The following NPAS2 variants were observed in gnomAD, a reference collection of about 807,000 sequenced individuals.
NPAS2 encodes the protein neuronal PAS domain-containing protein 2.
NPAS2 carries 23 observed loss-of-function variants against 107.5 expected under a neutral mutation model. The ratio of observed to expected loss-of-function variants is 0.21; its 90% CI spans 0.15 to 0.30. The LOEUF (loss-of-function observed/expected upper bound fraction) is 0.30. NPAS2 is among the 10% of genes least tolerant of loss of function. The pLI is 1.00. For missense variants in NPAS2, 756 were observed against 1,043.3 expected, an observed-to-expected ratio of 0.72 and a Z score of 3.79; for synonymous variants, 403 against 417.5, an observed-to-expected ratio of 0.97 and a Z score of 0.42.
At chr2:100,932,185 A>G (rs550838330) in intron 3 of NPAS2, among the ~76,000 whole-genome samples, 1 of 152,392 alleles carries the variant, frequency 6.6e-6, no homozygotes, top group Non-Finnish European at 1.5e-5. Context: ...TTATCTTATC[A>G]GAAATAATTC....
At chr2:100,932,859 C>G in intron 3 of NPAS2, 51 bp from the exon 4 acceptor site, 1 of 1,279,268 alleles carries the variant, frequency 7.8e-7, no homozygotes, top group Non-Finnish European at 1.1e-6. Flanking sequence ...TTGTTAATTC[C>G]AATTTCTAGG....
At chr2:100,904,033 G>T (rs572292240) in intron 1 of NPAS2, among the ~76,000 whole-genome samples, 5 of 152,274 alleles carry the variant, frequency 3.3e-5, no homozygotes, top group Non-Finnish European at 7.4e-5. Context: ...TCACATCTGT[G>T]CACCTTCGCT....
intron 1 of NPAS2, among the ~76,000 whole-genome samples, chr2:100,854,737 G>A (rs1678449399): frequency 6.6e-6 from 1 of 152,162 alleles, no homozygotes. Context: ...GAATCCACAG[G>A]AAATAAATGC....
intron 1 of NPAS2, among the ~76,000 whole-genome samples, chr2:100,845,316 G>A (rs1677707339): frequency 6.6e-6 from 1 of 152,190 alleles, no homozygotes; most frequent in Non-Finnish European, 1.5e-5. Context: ...GTCTGACGTG[G>A]AGCAGGCTGG....
intron 1 of NPAS2, among the ~76,000 whole-genome samples, chr2:100,897,573 A>G (rs1681492367): frequency 6.6e-6 from 1 of 151,754 alleles, no homozygotes; most frequent in Admixed American, 6.6e-5. Flanking sequence ...TGTCTGGGGG[A>G]GGCACCCTCA....
At chr2:100,979,810 G>A (rs1359649301) in intron 15 of NPAS2, among the ~76,000 whole-genome samples, 3 of 152,146 alleles carry the variant, frequency 2.0e-5, no homozygotes, top group East Asian at 1.9e-4. Flanking sequence ...GATTACAGGC[G>A]TGAGCCACCA....
chr2:100,900,669 A>G lies in NPAS2; in HGVS notation c.-22-4064A>G, dbSNP rs538235252. 4.3e-4 allele frequency among the ~76,000 whole-genome samples: 65 copies of G among 152,242 alleles called. 1 individual carries two copies. Among genetic ancestry groups the G allele is most frequent in the African/African-American group, 1.5e-3 (61 of 41,540 alleles). ...CAGTAGGTGAAAGTGGTGTCTGCCA[A>G]CCTTCTTCCCTGTAAAATGTTTTTC... On this transcript the variant is annotated intron_variant, in intron 1 of 20. Transcript: ENST00000335681.
chr2:100,947,183 C>G (rs1010813207), intron 5 of NPAS2, among the ~76,000 whole-genome samples: 3 of 152,180 alleles, frequency 2.0e-5, no homozygotes, highest in Non-Finnish European at 2.9e-5. Flanking sequence ...CCTGTCTCCT[C>G]GGTCCACTGT....
chr2:100,823,156 G>A (rs1055797350), intron 1 of NPAS2, among the ~76,000 whole-genome samples: 1 of 152,100 alleles, frequency 6.6e-6, no homozygotes, highest in Non-Finnish European at 1.5e-5. Flanking sequence ...AATGCTAATG[G>A]GGTACTTAAC....
intron 1 of NPAS2, among the ~76,000 whole-genome samples, chr2:100,883,493 C>T (rs1000900736): frequency 1.3e-5 from 2 of 152,178 alleles, no homozygotes; most frequent in Admixed American, 6.5e-5. Flanking sequence ...GGTAACCACA[C>T]GCCATGGGAT....
At chr2:100,926,686 A>G (rs1487297687) in intron 3 of NPAS2, among the ~76,000 whole-genome samples, 1 of 152,222 alleles carries the variant, frequency 6.6e-6, no homozygotes, top group East Asian at 1.9e-4. Context: ...TATTCTAGAT[A>G]CTAGACCCTT....
At chr2:100,982,599 CCT>C (rs1677518289) in intron 16 of NPAS2, 3 of 584,710 alleles carry the variant, frequency 5.1e-6, no homozygotes, top group Non-Finnish European at 9.1e-6. Context: ...TTCCCTCGCC[CCT>C]CACTCTGACA....
At chr2:100,834,986 A>T (rs1393849042) in intron 1 of NPAS2, among the ~76,000 whole-genome samples, 1 of 152,194 alleles carries the variant, frequency 6.6e-6, no homozygotes, top group Admixed American at 6.5e-5. Flanking sequence ...AAGTGCTGGG[A>T]TTACAGGCGT....
rs1358109491 is a variant in NPAS2, at chr2:100,995,767, A to G, written c.*185A>G. 13 of 1,549,258 alleles carry G rather than the reference A, an allele frequency of 8.4e-6. No homozygotes were observed. The South Asian group carries it at 9.6e-5, about 11-fold the overall frequency. ...CTTGCTGCAGTGGAAATGATCAGGA[A>G]TACTGACCGTGTTTCTCTTGCCTCC... is the stretch of plus-strand genomic sequence containing the variant. On this transcript the variant is annotated 3_prime_UTR_variant, in exon 21 of 21. Transcript: ENST00000335681.
chr2:100,827,378 C>A (rs1039550910), intron 1 of NPAS2, among the ~76,000 whole-genome samples: 1 of 152,178 alleles, frequency 6.6e-6, no homozygotes. Context: ...TTGCTGTATT[C>A]TTTTAATTTT....
intron 1 of NPAS2, among the ~76,000 whole-genome samples, chr2:100,847,902 A>G (rs878922556): frequency 6.6e-6 from 1 of 152,226 alleles, no homozygotes; most frequent in Admixed American, 6.5e-5. Context: ...TGGCCTCAAG[A>G]ACCACTTTGG....
chr2:100,925,019 C>A, intron 2 of NPAS2, 127 bp from the exon 3 acceptor site: 1 of 1,017,230 alleles, frequency 9.8e-7, no homozygotes, highest in Non-Finnish European at 1.4e-6. Flanking sequence ...CGTGACCTTC[C>A]TGAAAGAGTT....
intron 1 of NPAS2, among the ~76,000 whole-genome samples, chr2:100,835,427 A>T (rs921400287): frequency 1.7e-4 from 26 of 152,282 alleles, no homozygotes; most frequent in African/African-American, 6.0e-4. Context: ...GGCTGGGTGC[A>T]TGCCGGAGTA....
intron 2 of NPAS2, among the ~76,000 whole-genome samples, chr2:100,921,276 G>T (rs993567874): frequency 2.0e-5 from 3 of 152,208 alleles, no homozygotes; most frequent in Non-Finnish European, 2.9e-5. Flanking sequence ...CCTTGGAATG[G>T]AAATGCAATA....
Sources: gnomAD v4.1 joint callset for allele counts (sites outside exome capture counted in the v4.1 genomes callset) on GRCh38, gnomAD v4.1.1 for gene constraint, MANE v1.5 for transcripts, NCBI Gene and HGNC (gene_info 2026-07-23, HGNC 2026-07-21) for gene names.